The following TAF11L12 variants were observed in gnomAD, a reference collection of about 807,000 sequenced individuals.
TAF11L12 encodes TATA-box binding protein associated factor 11 like 12, also known as TATA-box-binding protein-associated factor 11-like protein 12.
exon 1 of TAF11L12, chr5:17,610,766 T>G: frequency 2.7e-6 from 1 of 375,932 alleles, no homozygotes; most frequent in East Asian, 3.8e-5. Context: ...ATACTCTCCA[T>G]CCACAAGTTT....
At chr5:17,611,035 A>T (rs372840938) in exon 1 of TAF11L12, 2 of 397,836 alleles carry the variant, frequency 5.0e-6, no homozygotes, top group Non-Finnish European at 8.9e-6. Context: ...GATGTTCGCC[A>T]TGCCCCAAGG....
At chr5:17,611,562 C>G (rs1279855257) in exon 1 of TAF11L12, 6 of 397,914 alleles carry the variant, frequency 1.5e-5, no homozygotes, top group East Asian at 1.4e-4. Flanking sequence ...CCAACAGCAA[C>G]TATAAAAAAA....
rs537705542 is a variant in TAF11L12 at position 17,610,978 on chromosome 5, T to G, written c.-12T>G. On this transcript the variant is annotated 5_prime_UTR_variant, in exon 1 of 1. The change abolishes the stop of an existing upstream ORF in the 5' untranslated region. Coordinates refer to ENST00000503184, the Ensembl canonical transcript of TAF11L12. ...TACAGCTGCTGTCACGGAGCAGACT[T>G]GAATCTCACCCATGGAGACAGGCAG... 1.6e-4 allele frequency: 63 copies of G among 397,810 alleles called. 3 individuals are homozygous for G. Among genetic ancestry groups the G allele is most frequent in the East Asian group, 3.6e-4 (10 of 28,018 alleles). 24.6% of individuals were successfully genotyped at this position (397,810 alleles called of 1,614,324 possible). A position where few individuals can be genotyped will look rare whatever the true frequency, so the allele number is the denominator to read the frequency against.
At chr5:17,611,702 A>T, downstream of TAF11L12, 1 of 394,962 alleles carries the variant, frequency 2.5e-6, no homozygotes. Context: ...TTCACCCACA[A>T]TCTTAGTGTC....
At chr5:17,611,613 T>C, downstream of TAF11L12, 1 of 398,048 alleles carries the variant, frequency 2.5e-6, no homozygotes, top group Non-Finnish European at 4.4e-6. Flanking sequence ...GGTCTGTTTG[T>C]GCAGGAATAA....
downstream of TAF11L12, among the ~76,000 whole-genome samples, chr5:17,611,836 A>G (rs948731536): frequency 2.0e-5 from 3 of 151,372 alleles, no homozygotes; most frequent in Non-Finnish European, 2.9e-5. Context: ...AGTTGGAAGA[A>G]TAAAGGTGCC....
At chr5:17,611,032 G>A (rs368957793) in exon 1 of TAF11L12, 13 of 397,750 alleles carry the variant, frequency 3.3e-5, no homozygotes, top group Middle Eastern at 6.2e-4. Flanking sequence ...TGAGATGTTC[G>A]CCATGCCCCA....
chr5:17,610,455 A>C (rs1739254537), upstream of TAF11L12: 1 of 152,060 alleles, frequency 6.6e-6, no homozygotes, highest in South Asian at 2.1e-4. Flanking sequence ...CACAGCCCAG[A>C]CCTGGGCAAC....
downstream of TAF11L12, among the ~76,000 whole-genome samples, chr5:17,611,905 G>A (rs966619708): frequency 1.3e-5 from 2 of 151,296 alleles, no homozygotes; most frequent in Non-Finnish European, 2.9e-5. Flanking sequence ...CCCTTTCCAG[G>A]AGATTTGTAC....
At chr5:17,611,776 A>G (rs1739280808), downstream of TAF11L12, among the ~76,000 whole-genome samples, 1 of 151,534 alleles carries the variant, frequency 6.6e-6, no homozygotes, top group Non-Finnish European at 1.5e-5. Context: ...AGCCTTGGCT[A>G]AATGTTTGGG....
chr5:17,611,559 C>T (rs977889796), exon 1 of TAF11L12: 2 of 397,810 alleles, frequency 5.0e-6, no homozygotes, highest in African/African-American at 4.1e-5. Context: ...TCCCCAACAG[C>T]AACTATAAAA....
chr5:17,611,525 G>T (rs1351791658), exon 1 of TAF11L12: 4 of 397,794 alleles, frequency 1.0e-5, no homozygotes, highest in Non-Finnish European at 1.8e-5. Context: ...GAGGCCGTTC[G>T]CAGGTTAAAG....
exon 1 of TAF11L12, chr5:17,611,532 A>G: frequency 2.5e-6 from 1 of 398,076 alleles, no homozygotes; most frequent in Non-Finnish European, 4.4e-6. Flanking sequence ...TTCGCAGGTT[A>G]AAGCCCAAGG....
At chr5:17,610,642 A>T (rs2126390855) in exon 1 of TAF11L12, 2 of 217,830 alleles carry the variant, frequency 9.2e-6, no homozygotes, top group Non-Finnish European at 1.8e-5. Flanking sequence ...CCGTCATGTG[A>T]CTCTGAGCAG....
chr5:17,611,788 C>A (rs977922905), downstream of TAF11L12, among the ~76,000 whole-genome samples: 4 of 151,298 alleles, frequency 2.6e-5, no homozygotes, highest in African/African-American at 9.7e-5. Flanking sequence ...ATGTTTGGGA[C>A]TCCAGGGGCA....
chr5:17,612,007 T>A (rs1392898185), downstream of TAF11L12, among the ~76,000 whole-genome samples: 1 of 150,738 alleles, frequency 6.6e-6, no homozygotes, highest in Non-Finnish European at 1.5e-5. Flanking sequence ...TGTTTCCCAA[T>A]TGTTGTCCTC....
rs932587863 is a variant in TAF11L12 at position 17,611,330 on chromosome 5, C to T, written c.341C>T (p.Ser114Leu). The change falls in exon 1 of 1, where the codon TCA (serine) becomes TTA (leucine). Residue 114 changes from serine to leucine, a missense_variant. Physicochemically the swap from Ser to Leu is moderately radical, Grantham distance 145. Coordinates refer to ENST00000503184, the Ensembl canonical transcript of TAF11L12. ...TCCCGCTACGAAGTGTGTCGCCGGTCAGCTTTCCCAAAAGCACGCATTGCA... is the reference window on the plus strand; with the variant it reads ...TCCCGCTACGAAGTGTGTCGCCGGTTAGCTTTCCCAAAAGCACGCATTGCA... The T allele has an allele frequency of 2.0e-5, 8 of 398,036 alleles. 1 individual carries two copies. The highest frequency in any genetic ancestry group is 1.3e-4 in the Admixed American group (3 of 22,680). 24.7% of individuals were successfully genotyped at this position (398,036 alleles called of 1,614,324 possible).
At chr5:17,611,092 A>G (rs1459112774) in exon 1 of TAF11L12, 4 of 397,770 alleles carry the variant, frequency 1.0e-5, no homozygotes, top group Non-Finnish European at 1.8e-5. Flanking sequence ...CCTAGATGGG[A>G]ACTTGGAAGA....
At position 17,611,031 on chromosome 5, in the gene TAF11L12, C is replaced by T. The variant is rs184755636; in HGVS notation, c.42C>T (p.Phe14=). 4.1e-4 allele frequency: 163 copies of T among 397,852 alleles called. 4 individuals carry two copies. Among genetic ancestry groups the T allele is most frequent in the African/African-American group, 2.8e-3 (135 of 48,290 alleles). The allele number at this position is 397,852 out of a possible 1,614,324, so 24.6% of individuals were successfully genotyped here. A position where few individuals can be genotyped will look rare whatever the true frequency, so the allele number is the denominator to read the frequency against. The stretch of plus-strand genomic sequence containing the variant: ...AAAGAGGTGCGTCTGCTGAGATGTT[C>T]GCCATGCCCCAAGGTCTGAAGGGCA... Residue 14 remains phenylalanine (F), a synonymous_variant, in exon 1 of 1, where the codon TTC becomes TTT. Coordinates refer to ENST00000503184, the Ensembl canonical transcript of TAF11L12.
Sources: gnomAD v4.1 joint callset for allele counts (sites outside exome capture counted in the v4.1 genomes callset) on GRCh38, gnomAD v4.1.1 for gene constraint, MANE v1.5 for transcripts, NCBI Gene and HGNC (gene_info 2026-07-23, HGNC 2026-07-21) for gene names.